The following PCDHA1 variants were observed in gnomAD, a reference collection of about 807,000 sequenced individuals.
The protein encoded by PCDHA1 is protocadherin alpha 1.
In PCDHA1, 42 loss-of-function variants were observed where a neutral mutation model predicts 61.3. That is an observed-to-expected ratio of 0.69 (90% CI 0.54 to 0.89). The LOEUF (loss-of-function observed/expected upper bound fraction) is 0.89. Ranked by LOEUF, PCDHA1 falls within the 40% of genes least tolerant of loss-of-function variation. The pLI, the probability that PCDHA1 is intolerant of heterozygous loss-of-function variation, is 0.00. For missense variants in PCDHA1, 1,256 were observed against 1,235.3 expected, an observed-to-expected ratio of 1.02 and a Z score of -0.25; for synonymous variants, 610 against 553.8, an observed-to-expected ratio of 1.10 and a Z score of -1.43.
intron 1 of PCDHA1, chr5:140,809,160 C>G: frequency 6.2e-7 from 1 of 1,613,980 alleles, no homozygotes; most frequent in Non-Finnish European, 8.5e-7. Context: ...GGCGAGCCCG[C>G]GCTGACGGCC....
intron 1 of PCDHA1, among the ~76,000 whole-genome samples, chr5:140,891,886 G>A (rs1554184992): frequency 1.3e-5 from 2 of 152,186 alleles, no homozygotes; most frequent in East Asian, 1.9e-4. Context: ...GTCATGTGAC[G>A]ATGCAGCAAG....
Position 140,787,715 on chromosome 5 carries a change from C to G in PCDHA1, c.1425C>G (p.Phe475Leu), listed in dbSNP as rs782013970. 1.2e-6 allele frequency: 2 copies of G among 1,613,744 alleles called. No individual in the cohort carries two copies. The highest frequency in any genetic ancestry group is 2.7e-5 in the African/African-American group (2 of 74,922). ...KENNPPGCHI[F>L]TVSARDADAQ... is the part of the protein sequence containing the mutation. ...ACAACCCGCCGGGCTGCCACATCTTCACGGTGTCTGCGCGGGACGCGGACG... is the reference window on the plus strand; with the variant it reads ...ACAACCCGCCGGGCTGCCACATCTTGACGGTGTCTGCGCGGGACGCGGACG... Residue 475 changes from phenylalanine (F) to leucine (L), a missense_variant, in exon 1 of 4, where the codon TTC becomes TTG. Coordinates refer to ENST00000504120, the MANE Select transcript of PCDHA1 (RefSeq NM_018900.4).
intron 1 of PCDHA1, among the ~76,000 whole-genome samples, chr5:140,941,077 G>C (rs2092726978): frequency 6.6e-6 from 1 of 152,068 alleles, no homozygotes; most frequent in South Asian, 2.1e-4. Context: ...CTGGAGAGTA[G>C]GTGGGTTTAG....
chr5:140,944,697 T>C (rs1227405627), intron 1 of PCDHA1, among the ~76,000 whole-genome samples: 1 of 152,198 alleles, frequency 6.6e-6, no homozygotes, highest in Non-Finnish European at 1.5e-5. Context: ...ATAACAGTAA[T>C]TATCAGGTTA....
intron 1 of PCDHA1, among the ~76,000 whole-genome samples, chr5:140,923,228 CCAGAA>C (rs2081257346): frequency 1.4e-5 from 1 of 71,808 alleles, no homozygotes; most frequent in Admixed American, 1.5e-4. Flanking sequence ...TCGTTTGAGC[CCAGAA>C]GTTTGAGACC....
intron 1 of PCDHA1, among the ~76,000 whole-genome samples, chr5:140,819,465 G>A (rs930303928): frequency 6.6e-6 from 1 of 152,082 alleles, no homozygotes; most frequent in Admixed American, 6.5e-5. Context: ...AAGAACTTCT[G>A]TTTACACAAT....
At chr5:140,845,758 T>A (rs1780017819) in intron 1 of PCDHA1, among the ~76,000 whole-genome samples, 1 of 149,708 alleles carries the variant, frequency 6.7e-6, no homozygotes, top group African/African-American at 2.4e-5. Flanking sequence ...TTGTATCAAG[T>A]AAGTTAATAG....
intron 1 of PCDHA1, among the ~76,000 whole-genome samples, chr5:140,913,111 T>C (rs2076211610): frequency 6.6e-6 from 1 of 152,194 alleles, no homozygotes; most frequent in Non-Finnish European, 1.5e-5. Context: ...TAGAATCAGT[T>C]TGGAAGTTAA....
intron 1 of PCDHA1, chr5:140,928,901 T>A (rs781842258): frequency 6.2e-7 from 1 of 1,614,212 alleles, no homozygotes. Flanking sequence ...TTTGAAGATG[T>A]CTGGGAACCA....
chr5:140,888,755 T>C (rs1290458155), intron 1 of PCDHA1, among the ~76,000 whole-genome samples: 1 of 146,364 alleles, frequency 6.8e-6, no homozygotes, highest in African/African-American at 2.5e-5. Flanking sequence ...TTCTACCCAC[T>C]TTTTTTTTTA....
In PCDHA1 at chr5:140,857,564, T is replaced by C. The variant is rs1254291079; in HGVS notation, c.2394+68880T>C. 1 of 1,596,742 alleles carries C rather than the reference T, an allele frequency of 6.3e-7. No homozygotes were observed. The highest frequency in any genetic ancestry group is 1.3e-5 in the African/African-American group (1 of 74,340). ...GTTGGGCGAGCGCTCGCTGTCGAGC[T>C]ACGTGTCGGTGCACGCGGAGAGCGG... On this transcript the variant is annotated intron_variant, in intron 1 of 3. Coordinates refer to ENST00000504120, the MANE Select transcript of PCDHA1 (RefSeq NM_018900.4).
chr5:140,809,782 T>C, intron 1 of PCDHA1: 1 of 502,618 alleles, frequency 2.0e-6, no homozygotes, highest in Non-Finnish European at 3.4e-6. Flanking sequence ...CAATGCATAT[T>C]AACAGAACTG....
At chr5:140,833,975 T>C (rs1554134022) in intron 1 of PCDHA1, among the ~76,000 whole-genome samples, 1 of 152,086 alleles carries the variant, frequency 6.6e-6, no homozygotes, top group East Asian at 1.9e-4. Flanking sequence ...GAAAAAAAAG[T>C]TTTTCTAAGG....
intron 1 of PCDHA1, among the ~76,000 whole-genome samples, chr5:140,944,351 C>A (rs530648518): frequency 6.6e-6 from 1 of 152,198 alleles, no homozygotes; most frequent in South Asian, 2.1e-4. Context: ...CCACACCTGG[C>A]TAATTTTTAA....
chr5:140,822,611 T>G (rs1767365193), intron 1 of PCDHA1: 1 of 1,611,486 alleles, frequency 6.2e-7, no homozygotes, highest in African/African-American at 1.3e-5. Flanking sequence ...ATAGTGTATT[T>G]CTTTAGTAAT....
At chr5:140,941,214 C>CCTTCCTTTCTTTCTTTCTTT (rs1554214040) in intron 1 of PCDHA1, among the ~76,000 whole-genome samples, 29 of 122,492 alleles carry the variant, frequency 2.4e-4, no homozygotes, top group South Asian at 5.9e-4. Flanking sequence ...TTTCTTTCTT[C>CCTTCCTTTCTTTCTTTCTTT]CTTTCTTTCT....
chr5:140,850,280 C>T lies in PCDHA1; in HGVS notation c.2394+61596C>T. ...CCGGCGTAGTGGTGGGGAAGGTGCG[C>T]GCAGTGGACGCCGACTCGGGCTACA... is the stretch of plus-strand genomic sequence containing the variant. On this transcript the variant is annotated intron_variant, in intron 1 of 3. Coordinates refer to ENST00000504120, the MANE Select transcript of PCDHA1 (RefSeq NM_018900.4). The T allele has an allele frequency of 3.1e-6, 5 of 1,595,478 alleles. 1 individual carries two copies. Among genetic ancestry groups the T allele is most frequent in the Non-Finnish European group, 8.6e-7 (1 of 1,167,556 alleles).
Position 140,940,419 on chromosome 5 carries a change from A to G in PCDHA1, c.2395-38530A>G, listed in dbSNP as rs890018340. Among the ~76,000 whole-genome samples, 3 of 152,002 alleles carry G rather than the reference A, an allele frequency of 2.0e-5. No homozygotes were observed. The East Asian group carries it at 5.8e-4, about 29-fold the overall frequency. ...GTTTTTCATTTTAAAAATTATAATT[A>G]TTACTGATCAAGTCTGCCATGATAT... On this transcript the variant is annotated intron_variant, in intron 1 of 3. Transcript: ENST00000504120.
At chr5:140,836,244 C>T (rs2150256239) in intron 1 of PCDHA1, 3 of 1,613,684 alleles carry the variant, frequency 1.9e-6, no homozygotes, top group South Asian at 2.2e-5. Flanking sequence ...TGCGAGCATC[C>T]CGTTCCGCGT....
Sources: gnomAD v4.1 joint callset for allele counts (sites outside exome capture counted in the v4.1 genomes callset) on GRCh38, gnomAD v4.1.1 for gene constraint, MANE v1.5 for transcripts, NCBI Gene and HGNC (gene_info 2026-07-23, HGNC 2026-07-21) for gene names.